Variants in ROBO1 observed in about 807,000 individuals in gnomAD.
ROBO1 encodes roundabout guidance receptor 1.
A neutral mutation model predicts 195.9 loss-of-function variants in ROBO1; 149 were observed. The ratio of observed to expected loss-of-function variants is 0.76; its 90% CI spans 0.67 to 0.87. The LOEUF (loss-of-function observed/expected upper bound fraction) is 0.87, where lower values mean the gene tolerates loss of function less well. ROBO1 is among the 40% of genes least tolerant of loss of function. ROBO1 has a pLI of 0.00. For missense variants in ROBO1, 1,933 were observed against 2,068.3 expected (o/e 0.93, Z 1.27); for synonymous variants, 816 against 733.2 (o/e 1.11, Z -1.82).
intron 2 of ROBO1, among the ~76,000 whole-genome samples, chr3:79,521,321 T>C (rs1051695552): frequency 6.6e-6 from 1 of 152,210 alleles, no homozygotes; most frequent in African/African-American, 2.4e-5. Context: ...CCAATTTTCT[T>C]AGGGGTTCCT....
intron 2 of ROBO1, among the ~76,000 whole-genome samples, chr3:79,242,062 G>A (rs888986757): frequency 9.2e-5 from 14 of 151,388 alleles, no homozygotes; most frequent in African/African-American, 1.2e-4. Context: ...ACCTTGTATC[G>A]TGGCCTTAAA....
In ROBO1 at chr3:78,600,581, A is replaced by G. The variant is rs150781362; in HGVS notation, c.4745-272T>C. ...CTCAAACTCACTACAGACCAATATC[A>G]TTAAAAGAGGTAAACCAAACCTGGA... is the stretch of plus-strand genomic sequence containing the variant. On this transcript the variant is annotated intron_variant, in intron 29 of 30. Transcript: ENST00000464233. 6.5e-3 allele frequency among the ~76,000 whole-genome samples: 993 copies of G among 152,296 alleles called. 7 individuals carry two copies. The highest frequency in any genetic ancestry group is 0.014 in the Middle Eastern group (4 of 294).
At chr3:78,993,026 A>G (rs1395617831) in intron 3 of ROBO1, among the ~76,000 whole-genome samples, 2 of 152,114 alleles carry the variant, frequency 1.3e-5, no homozygotes, top group African/African-American at 4.8e-5. Flanking sequence ...AGTATTTCAC[A>G]ACACTGAGCC....
intron 1 of ROBO1, among the ~76,000 whole-genome samples, chr3:79,727,051 G>T (rs1240102061): frequency 1.3e-5 from 2 of 152,112 alleles, no homozygotes; most frequent in East Asian, 1.9e-4. Context: ...AATGTCATGG[G>T]TAACATCCGT....
chr3:79,545,191 C>T (rs1942220202), intron 2 of ROBO1, among the ~76,000 whole-genome samples: 2 of 152,026 alleles, frequency 1.3e-5, no homozygotes, highest in African/African-American at 4.8e-5. Context: ...GTGGACACAT[C>T]GTGAATTCAC....
intron 4 of ROBO1, among the ~76,000 whole-genome samples, chr3:78,883,182 CA>C (rs2036287836): frequency 6.6e-6 from 1 of 151,622 alleles, no homozygotes; most frequent in Non-Finnish European, 1.5e-5. Context: ...TGTTTAGTTT[CA>C]ACAGATTTTT....
chr3:79,502,517 C>A (rs912962126), intron 2 of ROBO1, among the ~76,000 whole-genome samples: 1 of 152,068 alleles, frequency 6.6e-6, no homozygotes, highest in African/African-American at 2.4e-5. Flanking sequence ...CCGCCATGGG[C>A]TCCTGCACGG....
At chr3:79,653,758 C>T (rs1459213568) in intron 1 of ROBO1, among the ~76,000 whole-genome samples, 1 of 151,768 alleles carries the variant, frequency 6.6e-6, no homozygotes, top group African/African-American at 2.4e-5. Flanking sequence ...TTGAGTCTCA[C>T]ACACTGTCAT....
In ROBO1 at chr3:79,714,008, A is replaced by G. The variant is rs1001534278; in HGVS notation, c.-51+53744T>C. On this transcript the variant is annotated intron_variant, in intron 1 of 30. Transcript: ENST00000464233. ...TTTGGTTACTGTAGCCTTGTAGTATAGTTTGAAGTCATGTAGCATGATGCC... is the reference window on the plus strand; with the variant it reads ...TTTGGTTACTGTAGCCTTGTAGTATGGTTTGAAGTCATGTAGCATGATGCC... Among the ~76,000 whole-genome samples the G allele has an allele frequency of 1.2e-4, 18 of 152,068 alleles. 1 individual carries two copies. The highest frequency in any genetic ancestry group is 1.1e-3 in the Admixed American group (16 of 15,238).
chr3:79,541,845 GGAGAGAGAGAGAGAAA>G (rs1490089843), intron 2 of ROBO1, among the ~76,000 whole-genome samples: 3 of 147,702 alleles, frequency 2.0e-5, no homozygotes, highest in Non-Finnish European at 4.5e-5. Context: ...ATATATATAT[GGAGAGAGAGAGAGAAA>G]GAGAGAGAGA....
chr3:79,121,204 T>C (rs2080109827), intron 3 of ROBO1, among the ~76,000 whole-genome samples: 1 of 152,096 alleles, frequency 6.6e-6, no homozygotes, highest in African/African-American at 2.4e-5. Flanking sequence ...TAATGAACAC[T>C]GGTTATTAGA....
At chr3:79,129,328 T>C (rs1043642837) in intron 2 of ROBO1, among the ~76,000 whole-genome samples, 3 of 152,162 alleles carry the variant, frequency 2.0e-5, no homozygotes, top group African/African-American at 4.8e-5. Flanking sequence ...TATGGCTTTA[T>C]ATATTTTTGT....
chr3:78,723,553 T>A (rs560132962), intron 5 of ROBO1, among the ~76,000 whole-genome samples: 2 of 152,174 alleles, frequency 1.3e-5, no homozygotes, highest in Non-Finnish European at 2.9e-5. Context: ...CATTATTATT[T>A]CCTCCAAAAC....
At chr3:78,722,915 T>C (rs1438932472) in intron 5 of ROBO1, among the ~76,000 whole-genome samples, 1 of 150,040 alleles carries the variant, frequency 6.7e-6, no homozygotes. Flanking sequence ...TATAAAGCAC[T>C]TAGAAAAATG....
At chr3:79,235,606 T>C (rs2082393564) in intron 2 of ROBO1, among the ~76,000 whole-genome samples, 1 of 152,204 alleles carries the variant, frequency 6.6e-6, no homozygotes, top group Non-Finnish European at 1.5e-5. Flanking sequence ...TCCATATTTA[T>C]AGCTTCCTGG....
At chr3:79,511,195 G>T (rs374414703) in intron 2 of ROBO1, among the ~76,000 whole-genome samples, 3 of 152,040 alleles carry the variant, frequency 2.0e-5, no homozygotes, top group Non-Finnish European at 2.9e-5. Flanking sequence ...TTCTTAATGG[G>T]CTCACAAAAA....
intron 2 of ROBO1, among the ~76,000 whole-genome samples, chr3:79,399,212 C>T (rs2037268944): frequency 6.6e-6 from 1 of 152,004 alleles, no homozygotes; most frequent in Admixed American, 6.6e-5. Flanking sequence ...AAGAGCAGTC[C>T]TAAAGAGTCA....
intron 1 of ROBO1, among the ~76,000 whole-genome samples, chr3:79,706,720 T>C (rs1947784293): frequency 2.0e-5 from 3 of 152,108 alleles, no homozygotes; most frequent in Non-Finnish European, 4.4e-5. Flanking sequence ...ATGTAAAATA[T>C]GACTTGCTCC....
At chr3:79,253,279 T>C (rs1319530680) in intron 2 of ROBO1, among the ~76,000 whole-genome samples, 1 of 152,118 alleles carries the variant, frequency 6.6e-6, no homozygotes, top group East Asian at 1.9e-4. Context: ...AGACTCCAGA[T>C]GTACCATTAG....
Sources: allele counts gnomAD v4.1 joint callset (sites outside exome capture counted in the v4.1 genomes callset), GRCh38; gene constraint gnomAD v4.1.1; transcripts MANE v1.5; gene names NCBI Gene and HGNC (gene_info 2026-07-23, HGNC 2026-07-21).